Variants in DHX29 observed in about 807,000 individuals in gnomAD.
The protein encoded by DHX29 is DExH-box helicase 29.
In DHX29, 79 loss-of-function variants were observed where a neutral mutation model predicts 167.9. The observed-to-expected ratio is 0.47, with a 90% CI of 0.39 to 0.57. The LOEUF is 0.57. Among genes scored for constraint, DHX29 ranks in the 20% least tolerant of loss-of-function variants. The pLI is 0.00. For synonymous variants in DHX29, 530 were observed against 546.0 expected, an observed-to-expected ratio of 0.97 and a Z score of 0.41; for missense variants, 1,347 against 1,593.4, an observed-to-expected ratio of 0.85 and a Z score of 2.63.
Position 55,289,313 on chromosome 5 carries a change from A to G in DHX29, c.1023T>C (p.Phe341=). The change falls in exon 8 of 27, where the codon TTT becomes TTC. Residue 341 remains phenylalanine (F), a synonymous_variant. Transcript: ENST00000251636. ...VATEGESALN[F]NLFEKSAAAT... ...CAGCTGCAGATTTTTCAAATAAATT[A>G]AAATTCAATGCACTTTCTCCTTCTG... 6.3e-7 allele frequency: 1 copy of G among 1,587,136 alleles called. No homozygotes were observed. Among genetic ancestry groups the G allele is most frequent in the Non-Finnish European group, 8.5e-7 (1 of 1,171,984 alleles).
intron 23 of DHX29, among the ~76,000 whole-genome samples, chr5:55,264,114 G>C (rs948575310): frequency 6.6e-6 from 1 of 151,662 alleles, no homozygotes; most frequent in Non-Finnish European, 1.5e-5. Context: ...GGCCAACACA[G>C]TGAGACCCCA....
At chr5:55,266,082 C>T (rs555335852) in intron 23 of DHX29, among the ~76,000 whole-genome samples, 3 of 152,064 alleles carry the variant, frequency 2.0e-5, no homozygotes, top group Non-Finnish European at 4.4e-5. Flanking sequence ...TCATTGCAAC[C>T]TCTGCCTCCC....
At chr5:55,292,559 A>G (rs1561164300) in intron 6 of DHX29, among the ~76,000 whole-genome samples, 1 of 152,136 alleles carries the variant, frequency 6.6e-6, no homozygotes, top group Non-Finnish European at 1.5e-5. Context: ...AATTCTTGTC[A>G]GTTACCTGCC....
chr5:55,273,052 T>C (rs986445003), intron 17 of DHX29, among the ~76,000 whole-genome samples: 1 of 152,226 alleles, frequency 6.6e-6, no homozygotes, highest in African/African-American at 2.4e-5. Context: ...TACTATGTTT[T>C]TCAACTAGCA....
chr5:55,265,670 T>TAAAAAAAAA (rs11362570), intron 23 of DHX29, among the ~76,000 whole-genome samples: 1 of 143,478 alleles, frequency 7.0e-6, no homozygotes. Flanking sequence ...GAACTAGCTG[T>TAAAAAAAAA]AAAAAAAAAA....
At chr5:55,286,616 C>G (rs1194032253) in intron 8 of DHX29, among the ~76,000 whole-genome samples, 1 of 152,194 alleles carries the variant, frequency 6.6e-6, no homozygotes, top group Non-Finnish European at 1.5e-5. Context: ...TTTGTTGCCA[C>G]TCTTCCCTCT....
In DHX29 at chr5:55,285,715, C is replaced by T; in HGVS notation, c.1213G>A (p.Gly405Ser). Residue 405 changes from glycine (G) to serine (S), a missense_variant, in exon 9 of 27, where the codon GGT (glycine) becomes AGT (serine). Gly to Ser is a moderately conservative substitution (Grantham distance 56). Around this residue, in one of 3 missense-constraint regions of DHX29, gnomAD observed 60 missense variants for 94.2 expected, o/e 0.64. Transcript: ENST00000251636. ...PNPSFEKVPV[G>S]RYWKCRVRVI... is the part of the protein sequence containing the mutation. ...ACATACCTACATTTCCAGTATCTAC[C>T]TACTGGAACTTTTTCAAAGGAAGGA... is the stretch of plus-strand genomic sequence containing the variant. The T allele has an allele frequency of 6.3e-7, 1 of 1,578,260 alleles. No individual in the cohort carries two copies. The highest frequency in any genetic ancestry group is 8.6e-7 in the Non-Finnish European group (1 of 1,158,506).
chr5:55,280,603 C>A (rs1470653337), intron 12 of DHX29, among the ~76,000 whole-genome samples: 1 of 152,116 alleles, frequency 6.6e-6, no homozygotes, highest in Non-Finnish European at 1.5e-5. Context: ...AAAAAAGCAG[C>A]CATTCAGCCT....
chr5:55,260,085 T>G (rs1746237742), intron 25 of DHX29, 141 bp from the exon 26 acceptor site: 2 of 497,274 alleles, frequency 4.0e-6, no homozygotes, highest in African/African-American at 3.8e-5. Flanking sequence ...AAAATACAAA[T>G]TATTTCTGCT....
intron 1 of DHX29, among the ~76,000 whole-genome samples, chr5:55,299,824 G>A (rs1362457396): frequency 6.6e-6 from 1 of 152,046 alleles, no homozygotes; most frequent in Admixed American, 6.5e-5. Flanking sequence ...GAATATTTGG[G>A]GGGACACTAC....
intron 18 of DHX29, among the ~76,000 whole-genome samples, chr5:55,271,797 T>C (rs1237703791): frequency 6.6e-6 from 1 of 152,214 alleles, no homozygotes; most frequent in Admixed American, 6.5e-5. Context: ...AAACAATTTA[T>C]TTTACAAATA....
At chr5:55,296,158 T>TA in intron 4 of DHX29, 62 bp downstream of exon 4, 1 of 1,526,944 alleles carries the variant, frequency 6.5e-7, no homozygotes, top group Non-Finnish European at 8.8e-7. Context: ...AAAAGGTTGA[T>TA]ACAAATACCA....
At position 55,294,048 on chromosome 5, in the gene DHX29, T is replaced by C. The variant is rs756531848; in HGVS notation, c.749A>G (p.Lys250Arg). Residue 250 changes from lysine (K) to arginine (R), a missense_variant, in exon 6 of 27, where the codon AAA (lysine) becomes AGA (arginine). Physicochemically the swap from Lys to Arg is conservative, Grantham distance 26. Transcript: ENST00000251636. ...QNEEEKNENS[K>R]SLEEEEKFDP... Reference sequence around the variant, plus strand: ...AAATTTTTCCTCCTCTTCTAAACTTTTAGAATTCTCATTCTTTTCTTCTTC... The same window carrying C: ...AAATTTTTCCTCCTCTTCTAAACTTCTAGAATTCTCATTCTTTTCTTCTTC... The C allele has an allele frequency of 8.7e-6, 14 of 1,608,786 alleles. No homozygotes were observed. Among genetic ancestry groups the C allele is most frequent in the African/African-American group, 1.3e-5 (1 of 74,720 alleles).
chr5:55,289,379 A>G lies in DHX29; in HGVS notation c.957T>C (p.Ile319=). The G allele has an allele frequency of 6.2e-7, 1 of 1,601,190 alleles. No individual in the cohort carries two copies. The highest frequency in any genetic ancestry group is 8.5e-7 in the Non-Finnish European group (1 of 1,176,184). ...TTTTCCTTTCATTTTGTTGATGTGAAATCTTCATGGCTGGGTTAAATACTG... is the reference window on the plus strand; with the variant it reads ...TTTTCCTTTCATTTTGTTGATGTGAGATCTTCATGGCTGGGTTAAATACTG... ...DHPVFNPAMK[I]SHQQNERKKP... Residue 319 remains isoleucine, a synonymous_variant, in exon 8 of 27, where the codon ATT becomes ATC. Transcript: ENST00000251636.
chr5:55,262,786 C>T lies in DHX29; in HGVS notation c.3672G>A (p.Leu1224=). The change falls in exon 24 of 27, where the codon CTG becomes CTA. Residue 1224 remains leucine, a synonymous_variant. Transcript: ENST00000251636. ...AGATTATCTTCCCCACATTGTCATA[C>T]AGTCCAGCCACCAGTACAGCTTTAA... is the stretch of plus-strand genomic sequence containing the variant. ...ALLKAVLVAG[L]YDNVGKIIYT... The T allele has an allele frequency of 3.1e-6, 5 of 1,614,092 alleles. No homozygotes were observed. The highest frequency in any genetic ancestry group is 4.2e-6 in the Non-Finnish European group (5 of 1,179,996).
intron 18 of DHX29, among the ~76,000 whole-genome samples, chr5:55,271,401 C>A (rs1232796890): frequency 6.6e-6 from 1 of 152,192 alleles, no homozygotes; most frequent in Non-Finnish European, 1.5e-5. Flanking sequence ...AAGGCCGAGG[C>A]AGGCAGATTG....
intron 26 of DHX29, among the ~76,000 whole-genome samples, 178 bp downstream of exon 26, chr5:55,259,670 G>A (rs1746215357): frequency 6.6e-6 from 1 of 152,154 alleles, no homozygotes; most frequent in African/African-American, 2.4e-5. Flanking sequence ...TGGCCAGGCT[G>A]GTCTCGAACT....
At chr5:55,269,304 G>T in intron 21 of DHX29, 109 bp downstream of exon 21, 15 of 884,696 alleles carry the variant, frequency 1.7e-5, no homozygotes, top group Non-Finnish European at 2.2e-5. Flanking sequence ...TGTTCGTATA[G>T]ACATTCTATT....
Position 55,301,713 on chromosome 5 carries a change from C to CAAA in DHX29, c.188-3052_188-3050dup, listed in dbSNP as rs70992777. ...GGGCAACAAGAGTGAAACTCCATCT[C>CAAA]AAAAAAAAAAAAAAAAAAAAAAACA... On this transcript the variant is annotated intron_variant, in intron 1 of 26. Coordinates refer to ENST00000251636, the MANE Select transcript of DHX29 (RefSeq NM_019030.4). Among the ~76,000 whole-genome samples, 156 of 64,660 alleles carry CAAA rather than the reference C, an allele frequency of 2.4e-3. 1 individual carries two copies. Among genetic ancestry groups the CAAA allele is most frequent in the African/African-American group, 5.3e-3 (95 of 17,878 alleles). 42.4% of individuals were successfully genotyped at this position (64,660 alleles called of 152,430 possible).
Sources: gnomAD v4.1 joint callset for allele counts (sites outside exome capture counted in the v4.1 genomes callset) on GRCh38, gnomAD v4.1.1 for gene constraint, gnomAD v4.1.1 regional missense constraint, MANE v1.5 for transcripts, NCBI Gene and HGNC (gene_info 2026-07-23, HGNC 2026-07-21) for gene names.